MCTP2: variants seen among roughly 807,000 people sequenced by gnomAD.
The protein encoded by MCTP2 is multiple C2 and transmembrane domain-containing protein 2.
MCTP2 carries 132 observed loss-of-function variants against 111.6 expected under a neutral mutation model. That is an observed-to-expected ratio of 1.18 (90% CI 1.03 to 1.37). The LOEUF (loss-of-function observed/expected upper bound fraction) is 1.37. MCTP2 is among the 40% of genes most tolerant of loss of function. MCTP2 has a pLI of 0.00. For missense variants in MCTP2, 1,183 were observed against 1,067.9 expected, an observed-to-expected ratio of 1.11 and a Z score of -1.50; for synonymous variants, 395 against 387.7, an observed-to-expected ratio of 1.02 and a Z score of -0.22.
chr15:94,272,842 G>A (rs897883011), intron 1 of MCTP2, among the ~76,000 whole-genome samples: 1 of 152,044 alleles, frequency 6.6e-6, no homozygotes, highest in Non-Finnish European at 1.5e-5. Flanking sequence ...ATAGTATAAG[G>A]CTTTTATATT....
At chr15:94,305,541 A>G (rs2075839898) in intron 2 of MCTP2, among the ~76,000 whole-genome samples, 1 of 152,170 alleles carries the variant, frequency 6.6e-6, no homozygotes. Context: ...GTGTGTGTGT[A>G]TACACACATA....
At chr15:94,243,957 A>T (rs2071416796) in intron 1 of MCTP2, among the ~76,000 whole-genome samples, 1 of 146,570 alleles carries the variant, frequency 6.8e-6, no homozygotes, top group Admixed American at 6.7e-5. Flanking sequence ...ATGTGTATAT[A>T]TTTACACACA....
chr15:94,324,902 C>G (rs925363359), intron 4 of MCTP2, among the ~76,000 whole-genome samples: 14 of 152,126 alleles, frequency 9.2e-5, no homozygotes, highest in Non-Finnish European at 5.9e-5. Flanking sequence ...TTTTCTTTTG[C>G]TATTTAGCAG....
chr15:94,385,931 C>T (rs558069224), intron 14 of MCTP2, among the ~76,000 whole-genome samples: 1 of 152,296 alleles, frequency 6.6e-6, no homozygotes, highest in African/African-American at 2.4e-5. Flanking sequence ...TTGGTAACTG[C>T]ACATTTGTTC....
At chr15:94,391,892 C>G (rs928214208) in intron 14 of MCTP2, among the ~76,000 whole-genome samples, 1 of 152,090 alleles carries the variant, frequency 6.6e-6, no homozygotes, top group African/African-American at 2.4e-5. Context: ...TTCAACTTTT[C>G]TATTAAGTGG....
chr15:94,245,329 C>A (rs1281068852), intron 1 of MCTP2, among the ~76,000 whole-genome samples: 2 of 137,920 alleles, frequency 1.5e-5, no homozygotes, highest in East Asian at 2.2e-4. Context: ...TATTTACATA[C>A]ATATGTGTAG....
chr15:94,366,208 G>C (rs746579698), intron 10 of MCTP2, among the ~76,000 whole-genome samples: 4 of 152,030 alleles, frequency 2.6e-5, no homozygotes, highest in Non-Finnish European at 4.4e-5. Context: ...AAATTGTTTT[G>C]ATTCAAATCA....
Position 94,399,920 on chromosome 15 carries a change from G to C in MCTP2, c.1891-1G>C, listed in dbSNP as rs370778656. The C allele has an allele frequency of 9.9e-5, 159 of 1,613,564 alleles. No homozygotes were observed. The highest frequency in any genetic ancestry group is 1.3e-4 in the Non-Finnish European group (151 of 1,179,660). On this transcript the variant is annotated splice_acceptor_variant, in intron 15 of 22. Transcript: ENST00000357742. LOFTEE classifies it high-confidence loss of function. The stretch of plus-strand genomic sequence containing the variant: ...TTTTTTAACAAGGATGTCTTTTCTA[G>C]GTGAAAGCAAGTATTAGGACTTTTA...
chr15:94,237,239 T>C (rs2070633058), intron 1 of MCTP2, among the ~76,000 whole-genome samples: 1 of 152,158 alleles, frequency 6.6e-6, no homozygotes, highest in Non-Finnish European at 1.5e-5. Flanking sequence ...TATCAACTGA[T>C]TGAATAATGC....
At chr15:94,245,876 G>A (rs1315593441) in intron 1 of MCTP2, among the ~76,000 whole-genome samples, 1 of 151,736 alleles carries the variant, frequency 6.6e-6, no homozygotes, top group African/African-American at 2.4e-5. Flanking sequence ...GTTTAAACAG[G>A]GCAATAGAGA....
chr15:94,403,011 A>T, intron 17 of MCTP2: 1 of 997,024 alleles, frequency 1.0e-6, no homozygotes, highest in African/African-American at 1.7e-5. Flanking sequence ...AACATTTATT[A>T]GCCCAAGAAG....
chr15:94,413,737 CAA>C (rs1363432795), intron 17 of MCTP2, among the ~76,000 whole-genome samples: 1 of 151,952 alleles, frequency 6.6e-6, no homozygotes, highest in African/African-American at 2.4e-5. Flanking sequence ...GGGATAAAAA[CAA>C]AACATAAATA....
intron 18 of MCTP2, among the ~76,000 whole-genome samples, 185 bp downstream of exon 18, chr15:94,440,483 A>G (rs2083718754): frequency 6.6e-6 from 1 of 152,160 alleles, no homozygotes; most frequent in Non-Finnish European, 1.5e-5. Context: ...TTTCTGTGGC[A>G]TCTTACGTTC....
intron 17 of MCTP2, among the ~76,000 whole-genome samples, chr15:94,409,045 T>C (rs1378908130): frequency 2.0e-5 from 3 of 152,196 alleles, no homozygotes; most frequent in Non-Finnish European, 4.4e-5. Context: ...CTTGATTGGA[T>C]TGAAGGATAC....
At chr15:94,460,539 G>T (rs1264790306) in intron 20 of MCTP2, among the ~76,000 whole-genome samples, 1 of 152,144 alleles carries the variant, frequency 6.6e-6, no homozygotes, top group African/African-American at 2.4e-5. Flanking sequence ...GTGGGGTCAA[G>T]ACCCAGGAAG....
chr15:94,346,162 TA>T (rs914804946), intron 8 of MCTP2, among the ~76,000 whole-genome samples: 11 of 152,200 alleles, frequency 7.2e-5, no homozygotes, highest in Non-Finnish European at 1.5e-4. Context: ...CAGAGAATTT[TA>T]AACTGACTTT....
At chr15:94,464,244 A>ATATATATTATATATATAT (rs1555481342) in intron 20 of MCTP2, among the ~76,000 whole-genome samples, 2 of 60,428 alleles carry the variant, frequency 3.3e-5, no homozygotes, top group East Asian at 7.3e-4. Context: ...TATATAATAT[A>ATATATATTATATATATAT]TATATATATA....
chr15:94,393,777 C>T (rs2081122016), intron 14 of MCTP2, among the ~76,000 whole-genome samples: 1 of 152,032 alleles, frequency 6.6e-6, no homozygotes, highest in African/African-American at 2.4e-5. Flanking sequence ...CAGCCAGTCA[C>T]GGTGGCTCAC....
chr15:94,461,231 G>A (rs773989645), intron 20 of MCTP2, among the ~76,000 whole-genome samples: 4 of 152,140 alleles, frequency 2.6e-5, no homozygotes, highest in Non-Finnish European at 5.9e-5. Context: ...AGGCTGAGGT[G>A]GGCGGATCAC....
Sources: gnomAD v4.1 joint callset for allele counts (sites outside exome capture counted in the v4.1 genomes callset) on GRCh38, gnomAD v4.1.1 for gene constraint, MANE v1.5 for transcripts, NCBI Gene and HGNC (gene_info 2026-07-23, HGNC 2026-07-21) for gene names.